Variants in YAP1 observed in about 807,000 individuals in gnomAD.
The protein encoded by YAP1 is Yes1 associated transcriptional regulator.
Under a neutral mutation model 56.9 loss-of-function variants are expected in YAP1, and 5 were observed. The ratio of observed to expected loss-of-function variants is 0.09; its 90% confidence interval spans 0.05 to 0.18. The LOEUF (loss-of-function observed/expected upper bound fraction) is 0.18. YAP1 is among the 10% of genes least tolerant of loss of function. The probability of loss-of-function intolerance (pLI) is 1.00; values close to 1 mark genes in which losing one functional copy is unlikely to be tolerated. For synonymous variants in YAP1, 265 were observed against 248.1 expected (o/e 1.07, Z -0.64); for missense variants, 539 against 651.8 (o/e 0.83, Z 1.88).
chr11:102,145,699 T>C (rs1396694493), intron 2 of YAP1, among the ~76,000 whole-genome samples: 1 of 152,222 alleles, frequency 6.6e-6, no homozygotes, highest in African/African-American at 2.4e-5. Context: ...ACCTATTAGT[T>C]TGAACTGTTC....
At chr11:102,193,143 C>T (rs1948385118) in intron 4 of YAP1, among the ~76,000 whole-genome samples, 1 of 152,166 alleles carries the variant, frequency 6.6e-6, no homozygotes, top group Non-Finnish European at 1.5e-5. Context: ...AGCCTAGTTC[C>T]AGGCCATGTG....
intron 1 of YAP1, among the ~76,000 whole-genome samples, 176 bp from the exon 2 acceptor site, chr11:102,113,968 T>C (rs1367514955): frequency 1.3e-5 from 2 of 152,084 alleles, no homozygotes; most frequent in Admixed American, 6.5e-5. Context: ...ATTAAAATTA[T>C]ATAATATTAA....
Position 102,230,178 on chromosome 11 carries a change from T to C in YAP1, c.*238T>C. 1 of 400,450 alleles carries C rather than the reference T, an allele frequency of 2.5e-6. No individual in the cohort carries two copies. Among genetic ancestry groups the C allele is most frequent in the Non-Finnish European group, 4.5e-6 (1 of 223,660 alleles). 24.8% of individuals were successfully genotyped at this position (400,450 alleles called of 1,614,324 possible). On this transcript the variant is annotated 3_prime_UTR_variant, in exon 9 of 9. Transcript: ENST00000282441. ...AAAAGAAAAAAACTTTTTATTTCTT[T>C]TGCTATTAAAACTACTGTTCATTTT...
intron 6 of YAP1, among the ~76,000 whole-genome samples, chr11:102,221,766 C>G (rs113866427): frequency 6.6e-6 from 1 of 151,376 alleles, no homozygotes; most frequent in African/African-American, 2.4e-5. Flanking sequence ...CATCTTATAA[C>G]GTAACTACTG....
chr11:102,142,839 A>T (rs1945097543), intron 2 of YAP1, among the ~76,000 whole-genome samples: 1 of 152,136 alleles, frequency 6.6e-6, no homozygotes, highest in East Asian at 1.9e-4. Flanking sequence ...ATATTTTCAA[A>T]CTTTTTTAGT....
intron 3 of YAP1, among the ~76,000 whole-genome samples, chr11:102,168,743 C>G (rs552366211): frequency 3.0e-4 from 46 of 152,282 alleles, no homozygotes; most frequent in African/African-American, 1.0e-3. Context: ...TAAGGTTTGC[C>G]TCTTGTGTTC....
At chr11:102,149,977 C>CTTTTTT (rs386374692) in intron 2 of YAP1, among the ~76,000 whole-genome samples, 1 of 50,290 alleles carries the variant, frequency 2.0e-5, no homozygotes, top group Non-Finnish European at 3.6e-5. Flanking sequence ...GAGTAGTGTG[C>CTTTTTT]TTTTTTTTTT....
intron 2 of YAP1, among the ~76,000 whole-genome samples, chr11:102,159,211 G>A (rs886920656): frequency 2.0e-5 from 3 of 151,938 alleles, no homozygotes; most frequent in African/African-American, 7.3e-5. Context: ...TTTTGCTGGC[G>A]AGGTGTTTAT....
intron 4 of YAP1, 78 bp downstream of exon 4, chr11:102,186,209 T>A: frequency 6.8e-7 from 1 of 1,478,842 alleles, no homozygotes; most frequent in Non-Finnish European, 9.2e-7. Flanking sequence ...GAAAGCACAT[T>A]TAAATAAAAT....
intron 2 of YAP1, among the ~76,000 whole-genome samples, chr11:102,155,949 T>G (rs1945915261): frequency 6.6e-6 from 1 of 152,204 alleles, no homozygotes; most frequent in Admixed American, 6.5e-5. Flanking sequence ...CCTGTCTTCC[T>G]TCCTGGTCCT....
chr11:102,174,181 T>C (rs1947090829), intron 3 of YAP1, among the ~76,000 whole-genome samples: 1 of 152,236 alleles, frequency 6.6e-6, no homozygotes, highest in Non-Finnish European at 1.5e-5. Flanking sequence ...TTAGCATTCC[T>C]ATTTTAGGCT....
rs530000348 is a variant in YAP1 at position 102,173,530 on chromosome 11, AAAG to A, written c.688+10961_688+10963del. Among the ~76,000 whole-genome samples the A allele has an allele frequency of 7.9e-5, 12 of 152,316 alleles. No individual in the cohort carries two copies. In the East Asian group the frequency reaches 2.3e-3, roughly 29 times the overall value. On this transcript the variant is annotated intron_variant, in intron 3 of 8. Coordinates refer to ENST00000282441, the MANE Select transcript of YAP1 (RefSeq NM_001130145.3). Reference sequence around the variant, plus strand: ...ACCAAAATGGTAGAACTATTCTAAGAAAGAGTAGGGAACTGACATTTAAGCACC... The same window carrying A: ...ACCAAAATGGTAGAACTATTCTAAGAAGTAGGGAACTGACATTTAAGCACC...
intron 6 of YAP1, among the ~76,000 whole-genome samples, chr11:102,214,425 A>G (rs1408402933): frequency 6.6e-6 from 1 of 152,204 alleles, no homozygotes; most frequent in Non-Finnish European, 1.5e-5. Flanking sequence ...AGATGTTCAC[A>G]GTTGTAGTTA....
chr11:102,209,218 A>G (rs559880577), intron 5 of YAP1, among the ~76,000 whole-genome samples: 90 of 152,316 alleles, frequency 5.9e-4, no homozygotes, highest in South Asian at 3.5e-3. Context: ...AATATATTGT[A>G]TCTGCTTTAT....
intron 4 of YAP1, among the ~76,000 whole-genome samples, chr11:102,202,769 C>T (rs1357032827): frequency 6.6e-6 from 1 of 151,966 alleles, no homozygotes; most frequent in African/African-American, 2.4e-5. Context: ...GTGAAAATAA[C>T]CTAAAATGGA....
chr11:102,197,301 G>A (rs556140130), intron 4 of YAP1, among the ~76,000 whole-genome samples: 4 of 152,282 alleles, frequency 2.6e-5, no homozygotes, highest in Non-Finnish European at 5.9e-5. Context: ...TTGATGTAAT[G>A]TTTTAATAGC....
intron 3 of YAP1, among the ~76,000 whole-genome samples, chr11:102,174,148 T>G (rs1318232375): frequency 6.6e-6 from 1 of 152,194 alleles, no homozygotes; most frequent in Non-Finnish European, 1.5e-5. Context: ...CTTAAATCCA[T>G]AGAAATATCC....
At chr11:102,149,131 C>T (rs1323513401) in intron 2 of YAP1, among the ~76,000 whole-genome samples, 1 of 152,162 alleles carries the variant, frequency 6.6e-6, no homozygotes, top group Non-Finnish European at 1.5e-5. Context: ...AAACACCATA[C>T]TGGAGGATTT....
intron 3 of YAP1, among the ~76,000 whole-genome samples, chr11:102,173,769 G>A (rs929947744): frequency 2.6e-5 from 4 of 152,144 alleles, no homozygotes; most frequent in African/African-American, 9.7e-5. Context: ...AAACTATACT[G>A]TCTTTCTGGA....
Sources: gnomAD v4.1 joint callset for allele counts (sites outside exome capture counted in the v4.1 genomes callset) on GRCh38, gnomAD v4.1.1 for gene constraint, MANE v1.5 for transcripts, NCBI Gene and HGNC (gene_info 2026-07-23, HGNC 2026-07-21) for gene names.